The following NEK10 variants were observed in gnomAD, a reference collection of about 807,000 sequenced individuals.
NEK10 encodes serine/threonine-protein kinase Nek10.
A neutral mutation model predicts 159.8 loss-of-function variants in NEK10; 122 were observed. The ratio of observed to expected loss-of-function variants is 0.76; its 90% CI spans 0.66 to 0.89. NEK10 has a LOEUF of 0.89. Among genes scored for constraint, NEK10 ranks in the 40% least tolerant of loss-of-function variants. The pLI, the probability that NEK10 is intolerant of heterozygous loss-of-function variation, is 0.00. For missense variants in NEK10, 1,342 were observed against 1,323.1 expected, an observed-to-expected ratio of 1.01 and a Z score of -0.22; for synonymous variants, 466 against 457.1, an observed-to-expected ratio of 1.02 and a Z score of -0.25.
rs1406874983 is a variant in NEK10 at position 27,267,867 on chromosome 3, C to G, written c.2015-11496G>C. 2.0e-5 allele frequency among the ~76,000 whole-genome samples: 3 copies of G among 152,182 alleles called. No homozygotes were observed. The East Asian group carries it at 5.8e-4, about 29-fold the overall frequency. ...GAGAAAGGCATGTCCAAAGCTGAGACAGGCTGAAAGTTAGGCCTCTGGCAT... is the reference window on the plus strand; with the variant it reads ...GAGAAAGGCATGTCCAAAGCTGAGAGAGGCTGAAAGTTAGGCCTCTGGCAT... On this transcript the variant is annotated intron_variant, in intron 22 of 35. Transcript: ENST00000691995.
At chr3:27,231,591 C>T (rs1953279255) in intron 23 of NEK10, among the ~76,000 whole-genome samples, 1 of 151,630 alleles carries the variant, frequency 6.6e-6, no homozygotes, top group Non-Finnish European at 1.5e-5. Context: ...AATTGATAGG[C>T]CATTAGTGAG....
chr3:27,214,719 C>A (rs796916803), intron 23 of NEK10: 9 of 703,378 alleles, frequency 1.3e-5, no homozygotes, highest in South Asian at 1.3e-4. Context: ...GCTTACTTCA[C>A]GGCACTTCAG....
intron 6 of NEK10, among the ~76,000 whole-genome samples, chr3:27,316,940 C>A (rs547600): frequency 6.6e-6 from 1 of 152,194 alleles, no homozygotes; most frequent in Non-Finnish European, 1.5e-5. Flanking sequence ...AAAAGAAGAA[C>A]TAGTGTGCAG....
chr3:27,356,893 A>C (rs1488543673), intron 1 of NEK10, among the ~76,000 whole-genome samples: 1 of 152,218 alleles, frequency 6.6e-6, no homozygotes, highest in African/African-American at 2.4e-5. Context: ...TGTTTCATCC[A>C]CAAATATGTC....
intron 23 of NEK10, among the ~76,000 whole-genome samples, chr3:27,233,531 G>A (rs1384084433): frequency 6.6e-6 from 1 of 152,012 alleles, no homozygotes; most frequent in Non-Finnish European, 1.5e-5. Flanking sequence ...ACTACCATTT[G>A]ATCTAGCAAT....
At chr3:27,289,999 G>T (rs907547937) in intron 19 of NEK10, among the ~76,000 whole-genome samples, 1 of 152,164 alleles carries the variant, frequency 6.6e-6, no homozygotes, top group Non-Finnish European at 1.5e-5. Context: ...AACAGTATTC[G>T]TGATGAATGT....
intron 3 of NEK10, among the ~76,000 whole-genome samples, chr3:27,348,603 C>T (rs2047737742): frequency 6.6e-6 from 1 of 152,164 alleles, no homozygotes; most frequent in Non-Finnish European, 1.5e-5. Flanking sequence ...CAGCCTGTTA[C>T]TCCTGATCTT....
At position 27,313,076 on chromosome 3, in the gene NEK10, G is replaced by A. The variant is rs1441628360; in HGVS notation, c.490-899C>T. On this transcript the variant is annotated intron_variant, in intron 7 of 35. Coordinates refer to ENST00000691995, the MANE Select transcript of NEK10 (RefSeq NM_001394966.1). ...TTTATTCCAGCCTGGCCAACATGGT[G>A]TAACCCTGTCTCTACTAAAAATACA... Among the ~76,000 whole-genome samples, 3 of 150,336 alleles carry A rather than the reference G, an allele frequency of 2.0e-5. 1 individual carries two copies. The highest frequency in any genetic ancestry group is 7.4e-5 in the African/African-American group (3 of 40,710).
At chr3:27,352,602 T>C in intron 2 of NEK10, 77 bp from the exon 3 acceptor site, 1 of 1,085,866 alleles carries the variant, frequency 9.2e-7, no homozygotes, top group Non-Finnish European at 1.4e-6. Flanking sequence ...CTGATGGCAT[T>C]GCCACTTGGA....
intron 26 of NEK10, among the ~76,000 whole-genome samples, chr3:27,188,700 A>G (rs1367190175): frequency 1.3e-5 from 2 of 152,188 alleles, no homozygotes; most frequent in Non-Finnish European, 2.9e-5. Context: ...CCATTTGTAC[A>G]CATAGAAATA....
intron 30 of NEK10, among the ~76,000 whole-genome samples, chr3:27,148,946 A>C (rs1349604924): frequency 6.6e-6 from 1 of 152,048 alleles, no homozygotes; most frequent in Non-Finnish European, 1.5e-5. Flanking sequence ...CCATGAAAAA[A>C]ATCTACATCT....
At chr3:27,238,144 T>C (rs899906634) in intron 23 of NEK10, among the ~76,000 whole-genome samples, 3 of 152,154 alleles carry the variant, frequency 2.0e-5, no homozygotes, top group African/African-American at 4.8e-5. Flanking sequence ...GTGCCCTGTG[T>C]AATATGAGTT....
chr3:27,223,967 T>C (rs1952378718), intron 23 of NEK10, among the ~76,000 whole-genome samples: 1 of 152,340 alleles, frequency 6.6e-6, no homozygotes, highest in Non-Finnish European at 1.5e-5. Flanking sequence ...TGAAAAGATA[T>C]GTTGAAGTCC....
chr3:27,292,591 T>C (rs2043072980), intron 16 of NEK10, among the ~76,000 whole-genome samples: 1 of 152,004 alleles, frequency 6.6e-6, no homozygotes, highest in African/African-American at 2.4e-5. Flanking sequence ...CCCAACACTT[T>C]GGGAGGCCAA....
intron 32 of NEK10, among the ~76,000 whole-genome samples, chr3:27,124,479 C>T (rs1049720705): frequency 1.3e-5 from 2 of 152,132 alleles, no homozygotes; most frequent in African/African-American, 4.8e-5. Context: ...CAACTACCCT[C>T]TAAGGCAAGT....
At position 27,115,969 on chromosome 3, in the gene NEK10, T is replaced by G. The variant is rs769375049; in HGVS notation, c.3270A>C (p.Glu1090Asp). 5 of 1,612,974 alleles carry G rather than the reference T, an allele frequency of 3.1e-6. No individual in the cohort carries two copies. The South Asian group carries it at 5.5e-5, about 18-fold the overall frequency. ...TAGATGTAAAATTGTAATAGCCACT[T>G]TCCTCAAGGACTTCTTCAATCACAG... Reference protein sequence around the residue: ...MQTVIEEVLEESGYYNFTSNR... With the variant: ...MQTVIEEVLEDSGYYNFTSNR... The change falls in exon 35 of 36, where the codon GAA (glutamate) becomes GAC (aspartate). Residue 1090 changes from glutamate to aspartate, a missense_variant. Transcript: ENST00000691995.
chr3:27,237,960 A>T (rs1461274043), intron 23 of NEK10, among the ~76,000 whole-genome samples: 2 of 152,312 alleles, frequency 1.3e-5, no homozygotes, highest in South Asian at 4.1e-4. Context: ...AAGATTAGTG[A>T]GCTGCATACA....
intron 22 of NEK10, among the ~76,000 whole-genome samples, chr3:27,270,184 C>T (rs1165636031): frequency 6.6e-6 from 1 of 152,192 alleles, no homozygotes; most frequent in Non-Finnish European, 1.5e-5. Flanking sequence ...CTCTCTCTTG[C>T]TCACTGACTC....
chr3:27,293,728 G>A (rs1300722351), intron 15 of NEK10, 76 bp from the exon 16 acceptor site: 1 of 789,510 alleles, frequency 1.3e-6, no homozygotes. Flanking sequence ...GAATTAACAG[G>A]AAGTAAACAT....
Sources: gnomAD v4.1 joint callset for allele counts (sites outside exome capture counted in the v4.1 genomes callset) on GRCh38, gnomAD v4.1.1 for gene constraint, MANE v1.5 for transcripts, NCBI Gene and HGNC (gene_info 2026-07-23, HGNC 2026-07-21) for gene names.